The following ABLIM1 variants were observed in gnomAD, a reference collection of about 807,000 sequenced individuals.
The protein encoded by ABLIM1 is actin binding LIM protein 1, also known as actin-binding LIM protein 1.
Under a neutral mutation model 107.0 loss-of-function variants are expected in ABLIM1, and 40 were observed. That is an observed-to-expected ratio of 0.37 (90% CI 0.29 to 0.49). The LOEUF is 0.49. Among genes scored for constraint, ABLIM1 ranks in the 20% least tolerant of loss-of-function variants. The pLI, the probability that ABLIM1 is intolerant of heterozygous loss-of-function variation, is 0.97. For synonymous variants in ABLIM1, 357 were observed against 357.3 expected, an observed-to-expected ratio of 1.00 and a Z score of 0.01; for missense variants, 857 against 1,008.5, an observed-to-expected ratio of 0.85 and a Z score of 2.04.
chr10:114,704,334 A>ATATATATCTCAC (rs1566256324), intron 1 of ABLIM1, among the ~76,000 whole-genome samples: 1 of 62,056 alleles, frequency 1.6e-5, no homozygotes, highest in African/African-American at 5.0e-5. Flanking sequence ...ATATATATAT[A>ATATATATCTCAC]TTGCGCGCGT....
chr10:114,513,511 G>C (rs1425759483), intron 6 of ABLIM1, among the ~76,000 whole-genome samples: 1 of 152,132 alleles, frequency 6.6e-6, no homozygotes, highest in African/African-American at 2.4e-5. Flanking sequence ...TTTATCCTGA[G>C]CAGGTTAATA....
intron 6 of ABLIM1, among the ~76,000 whole-genome samples, chr10:114,506,953 T>G (rs527259690): frequency 1.1e-4 from 16 of 152,230 alleles, no homozygotes; most frequent in Non-Finnish European, 2.2e-4. Flanking sequence ...GTTGATGCCT[T>G]AGCTTTGGAG....
chr10:114,659,443 G>A (rs1284156189), upstream of ABLIM1, among the ~76,000 whole-genome samples: 1 of 152,132 alleles, frequency 6.6e-6, no homozygotes, highest in East Asian at 1.9e-4. Flanking sequence ...GTTGAGTCCA[G>A]GAGTTTGAGG....
intron 2 of ABLIM1, among the ~76,000 whole-genome samples, chr10:114,584,187 A>T (rs914958817): frequency 1.3e-5 from 2 of 149,814 alleles, no homozygotes; most frequent in Non-Finnish European, 3.0e-5. Flanking sequence ...CTGCCTGACT[A>T]CACCATCCCT....
chr10:114,691,763 C>A (rs2081083885), intron 1 of ABLIM1, among the ~76,000 whole-genome samples: 1 of 152,128 alleles, frequency 6.6e-6, no homozygotes, highest in Non-Finnish European at 1.5e-5. Context: ...ACATTCATTA[C>A]CATTTTCATT....
At chr10:114,527,512 TCAGGTGAGC>T (rs1448928086) in intron 6 of ABLIM1, among the ~76,000 whole-genome samples, 1 of 152,160 alleles carries the variant, frequency 6.6e-6, no homozygotes, top group Admixed American at 6.5e-5. Flanking sequence ...TGCAGAAATC[TCAGGTGAGC>T]CAGTGACTGA....
chr10:114,583,260 A>G (rs1033010861), intron 2 of ABLIM1, among the ~76,000 whole-genome samples: 5 of 151,304 alleles, frequency 3.3e-5, no homozygotes, highest in African/African-American at 1.2e-4. Flanking sequence ...AATGCTCAAC[A>G]TCACTAATCA....
At chr10:114,540,402 G>A (rs1481503554) in intron 6 of ABLIM1, among the ~76,000 whole-genome samples, 1 of 152,224 alleles carries the variant, frequency 6.6e-6, no homozygotes, top group Non-Finnish European at 1.5e-5. Flanking sequence ...GGTGAGTACA[G>A]ATTCAGATTG....
chr10:114,496,224 T>C (rs888595303), intron 6 of ABLIM1, among the ~76,000 whole-genome samples: 1 of 152,188 alleles, frequency 6.6e-6, no homozygotes, highest in Non-Finnish European at 1.5e-5. Flanking sequence ...ACAAGATGAA[T>C]GGAAGTTACA....
intron 8 of ABLIM1, among the ~76,000 whole-genome samples, chr10:114,477,831 T>A (rs1423916411): frequency 6.6e-6 from 1 of 152,162 alleles, no homozygotes; most frequent in Non-Finnish European, 1.5e-5. Flanking sequence ...TTCAAGCGAT[T>A]CTACTGCCTC....
intron 20 of ABLIM1, chr10:114,439,629 T>C: frequency 2.7e-6 from 1 of 367,356 alleles, no homozygotes; most frequent in East Asian, 6.2e-5. Flanking sequence ...TCTTTCTTTT[T>C]TTAACAAGAT....
At chr10:114,664,329 A>G (rs2079920653) in intron 1 of ABLIM1, among the ~76,000 whole-genome samples, 1 of 152,158 alleles carries the variant, frequency 6.6e-6, no homozygotes, top group Non-Finnish European at 1.5e-5. Flanking sequence ...TTAATGATGA[A>G]TAATGTAGGG....
rs181609134 is a variant in ABLIM1 at position 114,460,846 on chromosome 10, A to G, written c.1441+4852T>C. Among the ~76,000 whole-genome samples, 18 of 152,320 alleles carry G rather than the reference A, an allele frequency of 1.2e-4. No homozygotes were observed. In the East Asian group the frequency reaches 3.5e-3, roughly 29 times the overall value. On this transcript the variant is annotated intron_variant, in intron 12 of 22. Transcript: ENST00000533213. ...ACTCTCCACATGGCCACTCATGGAC[A>G]TGAAGCAGTATTAGTCATTGACCAT...
At chr10:114,658,381 A>C, upstream of ABLIM1, 7 of 1,217,156 alleles carry the variant, frequency 5.8e-6, no homozygotes, top group East Asian at 2.8e-5. Flanking sequence ...CCATATTCTC[A>C]GTCAGATGAC....
intron 1 of ABLIM1, among the ~76,000 whole-genome samples, chr10:114,616,623 G>C (rs2077146685): frequency 6.6e-6 from 1 of 152,198 alleles, no homozygotes; most frequent in African/African-American, 2.4e-5. Context: ...GGAAGACACT[G>C]TCCAGTGGAA....
the ABLIM1 span, among the ~76,000 whole-genome samples, chr10:114,776,849 C>T: frequency 6.6e-6 from 1 of 152,156 alleles, no homozygotes; most frequent in Admixed American, 6.5e-5. Flanking sequence ...AACTTCTGAC[C>T]TCAAATGATC....
At chr10:114,548,045 T>C (rs1281283231) in intron 4 of ABLIM1, among the ~76,000 whole-genome samples, 1 of 152,114 alleles carries the variant, frequency 6.6e-6, no homozygotes, top group Non-Finnish European at 1.5e-5. Flanking sequence ...ACTTGGGGGT[T>C]TTTTAATGTA....
intron 6 of ABLIM1, among the ~76,000 whole-genome samples, chr10:114,512,837 AAGGAAGGAAGGAAGGAAAGAAG>A (rs2062088215): frequency 1.5e-5 from 2 of 136,316 alleles, no homozygotes; most frequent in African/African-American, 5.8e-5. Context: ...AGAAGGAAGG[AAGGAAGGAAGGAAGGAAAGAAG>A]GAAGGAAGGA....
rs186403094 is a variant in ABLIM1, at chr10:114,440,417, G to A, written c.2060-328C>T. 3.2e-4 allele frequency among the ~76,000 whole-genome samples: 49 copies of A among 151,884 alleles called. No homozygotes were observed. In the East Asian group the frequency reaches 8.3e-3, roughly 26 times the overall value. ...TGCCATATGCATTTTGAGGGCAGGG[G>A]CCATGTCTCACTTATTGTTGTACCT... On this transcript the variant is annotated intron_variant, in intron 19 of 22. Coordinates refer to ENST00000533213, the MANE Select transcript of ABLIM1 (RefSeq NM_002313.7).
Sources: allele counts gnomAD v4.1 joint callset (sites outside exome capture counted in the v4.1 genomes callset), GRCh38; gene constraint gnomAD v4.1.1; transcripts MANE v1.5; gene names NCBI Gene and HGNC (gene_info 2026-07-23, HGNC 2026-07-21).